SLC24A2: variants seen among roughly 807,000 people sequenced by gnomAD.
The protein encoded by SLC24A2 is solute carrier family 24 member 2, also known as sodium/potassium/calcium exchanger 2.
Under a neutral mutation model 62.0 loss-of-function variants are expected in SLC24A2, and 36 were observed. The observed-to-expected ratio is 0.58, with a 90% CI of 0.44 to 0.77. The LOEUF (loss-of-function observed/expected upper bound fraction) is 0.77. SLC24A2 is among the 30% of genes least tolerant of loss of function. The pLI is 0.00. For missense variants in SLC24A2, 846 were observed against 817.9 expected (o/e 1.03, Z -0.42); for synonymous variants, 358 against 294.0 (o/e 1.22, Z -2.23).
At chr9:19,813,953 GT>G in the SLC24A2 span, among the ~76,000 whole-genome samples, 1 of 152,074 alleles carries the variant, frequency 6.6e-6, no homozygotes, top group Admixed American at 6.6e-5. Flanking sequence ...AATTTCTATT[GT>G]TTATTAGCTA....
chr9:19,634,352 G>A (rs376928671), intron 2 of SLC24A2, among the ~76,000 whole-genome samples: 3 of 144,508 alleles, frequency 2.1e-5, no homozygotes, highest in Non-Finnish European at 1.5e-5. Flanking sequence ...GCAATGGTGC[G>A]ATTTCAGCTC....
the SLC24A2 span, among the ~76,000 whole-genome samples, chr9:20,004,649 T>A: frequency 6.6e-6 from 1 of 152,242 alleles, no homozygotes; most frequent in Non-Finnish European, 1.5e-5. Context: ...TGGAGTTTTA[T>A]AAGGGATTTT....
the SLC24A2 span, among the ~76,000 whole-genome samples, chr9:20,202,093 G>T: frequency 2.7e-5 from 4 of 146,486 alleles, no homozygotes; most frequent in East Asian, 2.0e-4. Flanking sequence ...GTGTGTGTGT[G>T]TTCACACTCT....
chr9:19,875,360 G>A, the SLC24A2 span, among the ~76,000 whole-genome samples: 1 of 152,180 alleles, frequency 6.6e-6, no homozygotes, highest in African/African-American at 2.4e-5. Context: ...TGACGAAATT[G>A]AGGACTTACT....
At chr9:19,717,974 CTTTT>C (rs373497951) in intron 2 of SLC24A2, among the ~76,000 whole-genome samples, 60 of 135,318 alleles carry the variant, frequency 4.4e-4, no homozygotes, top group African/African-American at 1.3e-3. Flanking sequence ...TGATTTAAAA[CTTTT>C]TTTTTTTTTT....
At chr9:20,277,667 AAGAC>A in the SLC24A2 span, among the ~76,000 whole-genome samples, 1 of 152,290 alleles carries the variant, frequency 6.6e-6, no homozygotes, top group African/African-American at 2.4e-5. Context: ...GCCATTTTGG[AAGAC>A]AGTGTGGCGA....
chr9:20,167,006 C>CT, the SLC24A2 span, among the ~76,000 whole-genome samples: 3 of 151,918 alleles, frequency 2.0e-5, no homozygotes, highest in South Asian at 2.1e-4. Context: ...ACACCCAGCT[C>CT]TTTTTTTATT....
the SLC24A2 span, among the ~76,000 whole-genome samples, chr9:19,922,027 G>T: frequency 4.3e-4 from 66 of 152,212 alleles, no homozygotes; most frequent in African/African-American, 1.6e-3. Context: ...AATGTACCTT[G>T]ATTCATCTAC....
At chr9:20,224,838 TAACTGCTC>T in the SLC24A2 span, among the ~76,000 whole-genome samples, 1 of 152,080 alleles carries the variant, frequency 6.6e-6, no homozygotes, top group Non-Finnish European at 1.5e-5. Context: ...TATTAGCTGC[TAACTGCTC>T]ACAGCTGCCC....
At chr9:20,155,516 A>G in the SLC24A2 span, among the ~76,000 whole-genome samples, 2 of 151,864 alleles carry the variant, frequency 1.3e-5, no homozygotes, top group South Asian at 4.1e-4. Context: ...AAGGAATTAT[A>G]ACAACAAAAA....
the SLC24A2 span, among the ~76,000 whole-genome samples, chr9:19,901,621 T>C: frequency 3.3e-5 from 5 of 152,202 alleles, no homozygotes; most frequent in African/African-American, 1.2e-4. Context: ...TACACACACA[T>C]GTAACATACG....
chr9:19,710,809 G>A (rs949557150), intron 2 of SLC24A2, among the ~76,000 whole-genome samples: 1 of 152,118 alleles, frequency 6.6e-6, no homozygotes, highest in African/African-American at 2.4e-5. Flanking sequence ...CAAGCCAGGA[G>A]GACTGCAAAT....
At chr9:20,302,092 T>G in the SLC24A2 span, among the ~76,000 whole-genome samples, 1 of 152,238 alleles carries the variant, frequency 6.6e-6, no homozygotes, top group African/African-American at 2.4e-5. Context: ...CGCTGAATAA[T>G]ATTCCATTGC....
the SLC24A2 span, among the ~76,000 whole-genome samples, chr9:20,277,058 C>T: frequency 1.1e-4 from 17 of 152,204 alleles, no homozygotes; most frequent in Non-Finnish European, 2.4e-4. Context: ...TAACATGTGG[C>T]TCCTCATTAC....
chr9:20,181,780 C>G, the SLC24A2 span, among the ~76,000 whole-genome samples: 2 of 152,120 alleles, frequency 1.3e-5, no homozygotes, highest in Non-Finnish European at 2.9e-5. Flanking sequence ...CCAAAATTGA[C>G]AAATGGGATC....
chr9:19,725,006 C>T (rs1159025915), intron 2 of SLC24A2, among the ~76,000 whole-genome samples: 1 of 152,186 alleles, frequency 6.6e-6, no homozygotes, highest in Non-Finnish European at 1.5e-5. Context: ...AAAACCTTTC[C>T]AGCGCTGGTC....
At chr9:20,087,065 C>T in the SLC24A2 span, among the ~76,000 whole-genome samples, 1 of 152,260 alleles carries the variant, frequency 6.6e-6, no homozygotes, top group South Asian at 2.1e-4. Flanking sequence ...GCAGCTGGAC[C>T]ATATATATCT....
At chr9:19,737,302 C>G (rs547629385) in intron 2 of SLC24A2, among the ~76,000 whole-genome samples, 1 of 152,008 alleles carries the variant, frequency 6.6e-6, no homozygotes, top group Non-Finnish European at 1.5e-5. Context: ...TTCATGGTAA[C>G]AAAATAAAAT....
At chr9:19,635,015 G>T (rs186611621) in intron 2 of SLC24A2, among the ~76,000 whole-genome samples, 37 of 152,294 alleles carry the variant, frequency 2.4e-4, no homozygotes, top group African/African-American at 8.7e-4. Flanking sequence ...CCAGACAGTA[G>T]CTGTGGTTTC....
Sources: gnomAD v4.1 joint callset for allele counts (sites outside exome capture counted in the v4.1 genomes callset) on GRCh38, gnomAD v4.1.1 for gene constraint, MANE v1.5 for transcripts, NCBI Gene and HGNC (gene_info 2026-07-23, HGNC 2026-07-21) for gene names.